ADAM12: variants seen among roughly 807,000 people sequenced by gnomAD.
ADAM12 encodes disintegrin and metalloproteinase domain-containing protein 12.
Under a neutral mutation model 106.4 loss-of-function variants are expected in ADAM12, and 70 were observed. That is an observed-to-expected ratio of 0.66 (90% CI 0.54 to 0.80). The LOEUF is 0.80. Ranked by LOEUF, ADAM12 falls within the 30% of genes least tolerant of loss-of-function variation. The pLI is 0.00. For synonymous variants in ADAM12, 420 were observed against 433.5 expected (o/e 0.97, Z 0.39); for missense variants, 1,010 against 1,171.9 (o/e 0.86, Z 2.02).
chr10:126,354,471 A>C (rs1855470797), intron 1 of ADAM12, among the ~76,000 whole-genome samples: 1 of 140,680 alleles, frequency 7.1e-6, no homozygotes, highest in African/African-American at 2.7e-5. Context: ...GAGATGGAGA[A>C]AGGTTGGCAA....
intron 6 of ADAM12, among the ~76,000 whole-genome samples, chr10:126,110,049 C>T (rs1262239065): frequency 6.6e-6 from 1 of 152,132 alleles, no homozygotes; most frequent in Admixed American, 6.5e-5. Context: ...CTTCCATTTC[C>T]ACTTGGAAAA....
intron 3 of ADAM12, among the ~76,000 whole-genome samples, chr10:126,259,146 C>T (rs1165558925): frequency 6.6e-6 from 1 of 151,854 alleles, no homozygotes; most frequent in Admixed American, 6.6e-5. Context: ...TCTTGGTGGT[C>T]TGTATCTAAC....
At chr10:126,135,516 A>C in intron 5 of ADAM12, 68 bp downstream of exon 5, 1 of 1,467,906 alleles carries the variant, frequency 6.8e-7, no homozygotes, top group Non-Finnish European at 9.5e-7. Flanking sequence ...TAGCACGAGC[A>C]GGAAAAGACA....
Position 126,017,192 on chromosome 10 carries a change from T to C in ADAM12, c.*87A>G, listed in dbSNP as rs575622970. 8.1e-6 allele frequency: 10 copies of C among 1,231,814 alleles called. No individual in the cohort carries two copies. The African/African-American group carries it at 1.4e-4, about 17-fold the overall frequency. The allele number at this position is 1,231,814 out of a possible 1,614,324, so 76.3% of individuals were successfully genotyped here. On this transcript the variant is annotated 3_prime_UTR_variant, in exon 23 of 23. Transcript: ENST00000448723. ...ATGATGTTTTAAACATTAAAAAAAA[T>C]CCTAAAAGTTGGTACAAAAAACTCC...
At chr10:126,221,121 C>A (rs1958083211) in intron 3 of ADAM12, among the ~76,000 whole-genome samples, 1 of 152,184 alleles carries the variant, frequency 6.6e-6, no homozygotes, top group African/African-American at 2.4e-5. Flanking sequence ...CGGTGGCTCA[C>A]ACTTGTAATC....
At chr10:126,111,730 C>G (rs1411791831) in intron 6 of ADAM12, among the ~76,000 whole-genome samples, 1 of 152,168 alleles carries the variant, frequency 6.6e-6, no homozygotes, top group African/African-American at 2.4e-5. Context: ...GAGAAGTCTA[C>G]ATTTTCTCAT....
intron 11 of ADAM12, among the ~76,000 whole-genome samples, chr10:126,076,677 A>C (rs1955108594): frequency 6.6e-6 from 1 of 152,112 alleles, no homozygotes. Flanking sequence ...GTGTCTGTTT[A>C]TGTCCTTTGC....
intron 3 of ADAM12, among the ~76,000 whole-genome samples, chr10:126,160,388 A>G (rs560978886): frequency 1.3e-5 from 2 of 152,322 alleles, no homozygotes; most frequent in Admixed American, 6.5e-5. Flanking sequence ...CCTCTCCAAA[A>G]AAAAGCCCCA....
intron 3 of ADAM12, among the ~76,000 whole-genome samples, chr10:126,235,953 G>A (rs1465577166): frequency 6.6e-6 from 1 of 152,132 alleles, no homozygotes; most frequent in Non-Finnish European, 1.5e-5. Flanking sequence ...GTTGGACCAA[G>A]GGGCTGGGGG....
At chr10:126,129,526 C>T (rs1956266515) in intron 5 of ADAM12, among the ~76,000 whole-genome samples, 1 of 152,194 alleles carries the variant, frequency 6.6e-6, no homozygotes, top group Admixed American at 6.5e-5. Context: ...TGCAGATTAT[C>T]TGAAGCTCAT....
intron 3 of ADAM12, among the ~76,000 whole-genome samples, chr10:126,232,906 G>T (rs915625152): frequency 6.6e-6 from 1 of 152,188 alleles, no homozygotes; most frequent in African/African-American, 2.4e-5. Context: ...GGAGTGAGTA[G>T]GTAGGTGGGG....
intron 3 of ADAM12, among the ~76,000 whole-genome samples, chr10:126,161,254 C>G (rs776873889): frequency 1.3e-5 from 2 of 152,230 alleles, no homozygotes; most frequent in Non-Finnish European, 2.9e-5. Flanking sequence ...GGTCCAGGTA[C>G]TGTGCTGAGC....
chr10:126,257,131 C>G (rs1052969133), intron 3 of ADAM12, among the ~76,000 whole-genome samples: 15 of 152,222 alleles, frequency 9.9e-5, no homozygotes, highest in Non-Finnish European at 5.9e-5. Flanking sequence ...ATGTGTACTG[C>G]CAGCCTGGAT....
Position 126,195,962 on chromosome 10 carries a change from G to C in ADAM12, c.261-40657C>G, listed in dbSNP as rs546853078. 2.0e-4 allele frequency among the ~76,000 whole-genome samples: 30 copies of C among 152,316 alleles called. 1 individual carries two copies. In the South Asian group the frequency reaches 6.2e-3, roughly 32 times the overall value. On this transcript the variant is annotated intron_variant, in intron 3 of 22. Coordinates refer to ENST00000448723, the MANE Select transcript of ADAM12 (RefSeq NM_001288973.2). The stretch of plus-strand genomic sequence containing the variant: ...AAGCTGGCCTAGAATGCATCTAAGT[G>C]GGGCAGGGGTTAGCGGATGGCCTCC...
rs1189600628 is a variant in ADAM12, at chr10:126,019,732, C to T, written c.2623G>A (p.Gly875Arg). ...RLTHALARTP[G>R]QWETGLRLAP... is the part of the protein sequence containing the mutation. Reference sequence around the variant, plus strand: ...AGGCGGAGCCCAGTCTCCCATTGTCCTGGGGTCCTGGCCAAGGCATGAGTG... The same window carrying T: ...AGGCGGAGCCCAGTCTCCCATTGTCTTGGGGTCCTGGCCAAGGCATGAGTG... The change falls in exon 22 of 23, where the codon GGA becomes AGA. Residue 875 changes from glycine (G) to arginine (R), a missense_variant. This residue lies in a region of ADAM12 where 615 missense variants were observed against 708.5 expected (regional missense o/e 0.87). Transcript: ENST00000448723. 6.2e-7 allele frequency: 1 copy of T among 1,614,134 alleles called. No homozygotes were observed. Among genetic ancestry groups the T allele is most frequent in the Admixed American group, 1.7e-5 (1 of 60,028 alleles).
intron 11 of ADAM12, among the ~76,000 whole-genome samples, chr10:126,076,935 T>C (rs936810209): frequency 2.0e-5 from 3 of 152,150 alleles, no homozygotes; most frequent in Admixed American, 1.3e-4. Flanking sequence ...ATAAAAGGCA[T>C]CCAAATAGGA....
rs1460646858 is a variant in ADAM12 at position 126,217,389 on chromosome 10, C to T, written c.260+61526G>A. ...TGGAACTTTTTTTTTTTTTTTGAAA[C>T]GGAGTTTCGCTCTTGTTGACCAGGC... On this transcript the variant is annotated intron_variant, in intron 3 of 22. Transcript: ENST00000448723. Among the ~76,000 whole-genome samples the T allele has an allele frequency of 1.5e-4, 22 of 145,854 alleles. 2 individuals are homozygous for T. The highest frequency in any genetic ancestry group is 1.2e-3 in the Admixed American group (17 of 14,338).
In ADAM12 at chr10:126,019,721, C is replaced by T; in HGVS notation, c.2634G>A (p.Glu878=). 1.2e-6 allele frequency: 2 copies of T among 1,614,064 alleles called. No individual in the cohort carries two copies. Among genetic ancestry groups the T allele is most frequent in the Non-Finnish European group, 1.7e-6 (2 of 1,179,920 alleles). ...HALARTPGQW[E]TGLRLAPLRP... ...TGAGGGGTGCCAGGCGGAGCCCAGT[C>T]TCCCATTGTCCTGGGGTCCTGGCCA... Residue 878 remains glutamate, a synonymous_variant, in exon 22 of 23, where the codon GAG becomes GAA. Coordinates refer to ENST00000448723, the MANE Select transcript of ADAM12 (RefSeq NM_001288973.2).
chr10:126,343,391 G>T (rs1367875683), intron 1 of ADAM12, among the ~76,000 whole-genome samples: 1 of 152,128 alleles, frequency 6.6e-6, no homozygotes, highest in African/African-American at 2.4e-5. Flanking sequence ...GTATTCCATG[G>T]TGTATATGTG....
Sources: gnomAD v4.1 joint callset for allele counts (sites outside exome capture counted in the v4.1 genomes callset) on GRCh38, gnomAD v4.1.1 for gene constraint, gnomAD v4.1.1 regional missense constraint, MANE v1.5 for transcripts, NCBI Gene and HGNC (gene_info 2026-07-23, HGNC 2026-07-21) for gene names.